The following RSPO2 variants were observed in gnomAD, a reference collection of about 807,000 sequenced individuals.
RSPO2 encodes R-spondin-2.
In RSPO2, 14 loss-of-function variants were observed where a neutral mutation model predicts 30.9. The observed-to-expected ratio is 0.45, with a 90% CI of 0.30 to 0.71. The LOEUF (loss-of-function observed/expected upper bound fraction) is 0.71. Among genes scored for constraint, RSPO2 ranks in the 30% least tolerant of loss-of-function variants. The pLI, the probability that RSPO2 is intolerant of heterozygous loss-of-function variation, is 0.08. For missense variants in RSPO2, 264 were observed against 301.9 expected, an observed-to-expected ratio of 0.87 and a Z score of 0.93; for synonymous variants, 107 against 96.4, an observed-to-expected ratio of 1.11 and a Z score of -0.64.
intron 2 of RSPO2, among the ~76,000 whole-genome samples, chr8:108,057,006 G>C (rs191843914): frequency 2.5e-5 from 3 of 119,360 alleles, no homozygotes; most frequent in Admixed American, 1.2e-4. Context: ...TCAGTGAGTC[G>C]AGATCACACC....
chr8:107,913,564 T>C (rs1811887253), intron 5 of RSPO2, among the ~76,000 whole-genome samples: 1 of 152,176 alleles, frequency 6.6e-6, no homozygotes, highest in Non-Finnish European at 1.5e-5. Context: ...GAAAAATATT[T>C]GAGAAGGAAC....
chr8:107,917,595 G>A (rs1424750406), intron 5 of RSPO2, among the ~76,000 whole-genome samples: 3 of 152,092 alleles, frequency 2.0e-5, no homozygotes, highest in African/African-American at 2.4e-5. Flanking sequence ...GTCATTTTCT[G>A]GCCTAACTAA....
chr8:107,966,466 AC>A (rs1309467222), intron 3 of RSPO2, among the ~76,000 whole-genome samples: 11 of 152,222 alleles, frequency 7.2e-5, no homozygotes, highest in Non-Finnish European at 1.5e-4. Context: ...TGGAGAGTGA[AC>A]GTTTTCAGAA....
intron 5 of RSPO2, among the ~76,000 whole-genome samples, chr8:107,903,821 A>AT (rs1811551914): frequency 6.6e-6 from 1 of 152,012 alleles, no homozygotes; most frequent in African/African-American, 2.4e-5. Context: ...CATAAGACAT[A>AT]TTGCAAATAC....
intron 2 of RSPO2, among the ~76,000 whole-genome samples, chr8:108,041,883 G>A (rs1181188251): frequency 6.6e-6 from 1 of 152,004 alleles, no homozygotes; most frequent in Non-Finnish European, 1.5e-5. Flanking sequence ...GAAGGGAGTA[G>A]GATAATAAAG....
intron 2 of RSPO2, among the ~76,000 whole-genome samples, chr8:108,052,581 A>G (rs2514844): frequency 0.62 from 94,423 of 151,962 alleles, 31,242 homozygotes; most frequent in African/African-American, 0.88. Flanking sequence ...AAGCAAATAT[A>G]AGCAAGAAAA....
chr8:108,039,807 C>T (rs935156682), intron 2 of RSPO2, among the ~76,000 whole-genome samples: 13 of 152,080 alleles, frequency 8.5e-5, no homozygotes, highest in Middle Eastern at 3.4e-3. Context: ...GACCTAACCC[C>T]GAATGTGATG....
At chr8:108,081,964 T>C in intron 2 of RSPO2, 2 of 983,620 alleles carry the variant, frequency 2.0e-6, no homozygotes, top group Non-Finnish European at 2.4e-6. Context: ...AAGAGATCTA[T>C]GTTGGCCTTT....
chr8:108,076,581 G>A lies in RSPO2; in HGVS notation c.94+5964C>T, dbSNP rs112324656. 1.6e-4 allele frequency among the ~76,000 whole-genome samples: 25 copies of A among 152,238 alleles called. No homozygotes were observed. The South Asian group carries it at 3.7e-3, about 23-fold the overall frequency. ...CAACAGAAAAGTCAAAGACTATAGC[G>A]AGGCTCCCAGCCTTGGCACCCAGAA... On this transcript the variant is annotated intron_variant, in intron 2 of 5. Coordinates refer to ENST00000276659, the MANE Select transcript of RSPO2 (RefSeq NM_178565.5).
chr8:107,928,840 G>A (rs13439194), intron 5 of RSPO2, among the ~76,000 whole-genome samples: 1 of 152,184 alleles, frequency 6.6e-6, no homozygotes, highest in Non-Finnish European at 1.5e-5. Context: ...GTTTAGTCCG[G>A]TTCATGGCGT....
At chr8:108,077,983 A>C (rs1813065223) in intron 2 of RSPO2, among the ~76,000 whole-genome samples, 1 of 152,172 alleles carries the variant, frequency 6.6e-6, no homozygotes, top group African/African-American at 2.4e-5. Flanking sequence ...TTCCAAAAGA[A>C]ATAGTTTAAA....
Position 107,913,599 on chromosome 8 carries a change from G to T in RSPO2, c.617-12409C>A, listed in dbSNP as rs144255075. The stretch of plus-strand genomic sequence containing the variant: ...CTCTAACATGTTTGGCATACCTCAC[G>T]ATTATTAGAGACAGCACATTTCCAA... On this transcript the variant is annotated intron_variant, in intron 5 of 5. Coordinates refer to ENST00000276659, the MANE Select transcript of RSPO2 (RefSeq NM_178565.5). Among the ~76,000 whole-genome samples, 524 of 152,246 alleles carry T rather than the reference G, an allele frequency of 3.4e-3. 19 individuals carry two copies. In the South Asian group the frequency reaches 0.085, roughly 25 times the overall value.
intron 2 of RSPO2, among the ~76,000 whole-genome samples, chr8:108,037,823 C>G (rs889812801): frequency 1.3e-5 from 2 of 152,162 alleles, no homozygotes; most frequent in African/African-American, 4.8e-5. Context: ...TGACAGCACA[C>G]CTGTTTACAG....
intron 2 of RSPO2, among the ~76,000 whole-genome samples, chr8:108,033,168 G>T (rs79721331): frequency 0.043 from 6,560 of 151,888 alleles, 460 homozygotes; most frequent in African/African-American, 0.15. Flanking sequence ...CTCAAAGTGT[G>T]GATATTACAA....
intron 2 of RSPO2, among the ~76,000 whole-genome samples, chr8:108,000,728 A>G (rs187378078): frequency 5.9e-5 from 9 of 152,210 alleles, no homozygotes; most frequent in African/African-American, 1.9e-4. Context: ...ACTCCCGGGC[A>G]CGGTGGCTCA....
intron 5 of RSPO2, among the ~76,000 whole-genome samples, chr8:107,914,154 A>G (rs1037060854): frequency 6.6e-6 from 1 of 152,132 alleles, no homozygotes; most frequent in African/African-American, 2.4e-5. Flanking sequence ...CTTATGATGA[A>G]TACAAAACAA....
chr8:108,011,627 T>C (rs1810714229), intron 2 of RSPO2, among the ~76,000 whole-genome samples: 1 of 152,240 alleles, frequency 6.6e-6, no homozygotes, highest in African/African-American at 2.4e-5. Flanking sequence ...CAGTGTTTCA[T>C]ATATGGCAAT....
intron 2 of RSPO2, among the ~76,000 whole-genome samples, chr8:107,998,286 G>C (rs1159744188): frequency 2.6e-5 from 4 of 151,940 alleles, no homozygotes; most frequent in African/African-American, 9.7e-5. Flanking sequence ...TTGCATGTCG[G>C]ATGCTATAGA....
At chr8:107,942,718 A>C (rs1812938921) in intron 5 of RSPO2, among the ~76,000 whole-genome samples, 1 of 152,214 alleles carries the variant, frequency 6.6e-6, no homozygotes, top group African/African-American at 2.4e-5. Flanking sequence ...ATGGGTAAAA[A>C]TACTTTTGGC....
Sources: gnomAD v4.1 joint callset for allele counts (sites outside exome capture counted in the v4.1 genomes callset) on GRCh38, gnomAD v4.1.1 for gene constraint, MANE v1.5 for transcripts, NCBI Gene and HGNC (gene_info 2026-07-23, HGNC 2026-07-21) for gene names.